AATF: variants seen among roughly 807,000 people sequenced by gnomAD.
AATF encodes the protein protein AATF.
AATF carries 48 observed loss-of-function variants against 63.7 expected under a neutral mutation model. That is an observed-to-expected ratio of 0.75 (90% CI 0.60 to 0.96). AATF has a LOEUF of 0.96. AATF is among the 40% of genes least tolerant of loss of function. The pLI is 0.00. For missense variants in AATF, 639 were observed against 685.7 expected (o/e 0.93, Z 0.76); for synonymous variants, 258 against 247.7 (o/e 1.04, Z -0.39).
intron 8 of AATF, among the ~76,000 whole-genome samples, chr17:37,017,870 AATTT>A (rs2142285251): frequency 6.6e-6 from 1 of 152,302 alleles, no homozygotes; most frequent in Admixed American, 6.5e-5. Flanking sequence ...CTTTCAGAGG[AATTT>A]ATTTCTCTTT....
At chr17:36,990,211 C>T (rs1221677861) in intron 7 of AATF, among the ~76,000 whole-genome samples, 1 of 152,042 alleles carries the variant, frequency 6.6e-6, no homozygotes, top group East Asian at 1.9e-4. Context: ...TCTAATAAGT[C>T]CTAGATACTC....
At chr17:36,955,487 C>T (rs2070892264) in intron 4 of AATF, among the ~76,000 whole-genome samples, 1 of 152,104 alleles carries the variant, frequency 6.6e-6, no homozygotes, top group Admixed American at 6.6e-5. Flanking sequence ...AAATAGATGA[C>T]AGATTGATGG....
At chr17:36,950,038 T>C (rs1334353139) in intron 1 of AATF, among the ~76,000 whole-genome samples, 176 bp from the exon 2 acceptor site, 1 of 152,230 alleles carries the variant, frequency 6.6e-6, no homozygotes, top group East Asian at 1.9e-4. Flanking sequence ...ACTTTCTGTT[T>C]AGAAACAGCA....
chr17:37,046,730 A>AACACACACACACACAC (rs58296683), intron 11 of AATF, among the ~76,000 whole-genome samples: 2 of 139,968 alleles, frequency 1.4e-5, no homozygotes, highest in African/African-American at 5.4e-5. Flanking sequence ...GTGCTCCCCC[A>AACACACACACACACAC]ACACACACAC....
intron 11 of AATF, among the ~76,000 whole-genome samples, chr17:37,037,183 A>T (rs1437589822): frequency 6.6e-6 from 1 of 151,610 alleles, no homozygotes; most frequent in Non-Finnish European, 1.5e-5. Flanking sequence ...CCCCTGGCTA[A>T]TTTTTGTATT....
intron 4 of AATF, among the ~76,000 whole-genome samples, chr17:36,973,131 T>C (rs1437413549): frequency 1.3e-5 from 2 of 152,004 alleles, no homozygotes; most frequent in Non-Finnish European, 1.5e-5. Flanking sequence ...TTCTTTCTTT[T>C]TTCCTTTCTT....
intron 4 of AATF, among the ~76,000 whole-genome samples, chr17:36,976,657 A>C (rs2071082125): frequency 6.6e-6 from 1 of 152,200 alleles, no homozygotes; most frequent in African/African-American, 2.4e-5. Context: ...AGTAGTTTAC[A>C]GTTTCTGCTC....
chr17:37,033,844 A>C lies in AATF; in HGVS notation c.1619+2159A>C, dbSNP rs528022177. On this transcript the variant is annotated intron_variant, in intron 11 of 11. Coordinates refer to ENST00000619387, the MANE Select transcript of AATF (RefSeq NM_012138.4). ...ATGCATTCAAGGCAGGAAGAAGAGGAAAGAACTGTGCCAGCCATACCTGTT... is the reference window on the plus strand; with the variant it reads ...ATGCATTCAAGGCAGGAAGAAGAGGCAAGAACTGTGCCAGCCATACCTGTT... The C allele has an allele frequency of 1.2e-4, 19 of 154,778 alleles. No homozygotes were observed. The South Asian group carries it at 3.3e-3, about 27-fold the overall frequency. The allele number at this position is 154,778 out of a possible 1,614,324, so 9.6% of individuals were successfully genotyped here.
In AATF at chr17:36,990,775, A is replaced by C; in HGVS notation, c.1316A>C (p.Glu439Ala). ...TTTTCTTACTCATTGTTAACATAGGAGATCCTTCCTCAAGCCCCTGCTAAT... is the reference window on the plus strand; with the variant it reads ...TTTTCTTACTCATTGTTAACATAGGCGATCCTTCCTCAAGCCCCTGCTAAT... Reference protein sequence around the residue: ...PVPESLPGEPEILPQAPANAH... With the variant: ...PVPESLPGEPAILPQAPANAH... Residue 439 changes from glutamate (E) to alanine (A), a missense_variant and splice_region_variant, in exon 8 of 12, where the codon GAG becomes GCG. Glu to Ala is a moderately radical substitution (Grantham distance 107). Coordinates refer to ENST00000619387, the MANE Select transcript of AATF (RefSeq NM_012138.4). The C allele has an allele frequency of 6.3e-7, 1 of 1,585,664 alleles. No homozygotes were observed. The highest frequency in any genetic ancestry group is 1.7e-4 in the Middle Eastern group (1 of 6,000).
At chr17:37,044,358 T>C (rs558827552) in intron 11 of AATF, among the ~76,000 whole-genome samples, 1 of 152,248 alleles carries the variant, frequency 6.6e-6, no homozygotes, top group South Asian at 2.1e-4. Flanking sequence ...CATGGCAATG[T>C]TGGAAAAGAC....
intron 4 of AATF, among the ~76,000 whole-genome samples, chr17:36,968,270 C>CTTTT (rs3049638): frequency 0.011 from 265 of 23,764 alleles, 6 homozygotes; most frequent in East Asian, 0.018. Context: ...TTCCTTCTTT[C>CTTTT]TTTTTTTTTT....
At chr17:37,009,823 CAAAAAAAAAAAAAAAA>C (rs1160362372) in intron 8 of AATF, among the ~76,000 whole-genome samples, 1 of 28,778 alleles carries the variant, frequency 3.5e-5, no homozygotes, top group Non-Finnish European at 7.3e-5. Context: ...GACTCCGTCT[CAAAAAAAAAAAAAAAA>C]AAAAAAAAAA....
chr17:36,954,239 C>T (rs2070881700), intron 4 of AATF, among the ~76,000 whole-genome samples: 1 of 151,850 alleles, frequency 6.6e-6, no homozygotes, highest in Non-Finnish European at 1.5e-5. Flanking sequence ...CGTGCACCAC[C>T]CTGCCTGTAG....
intron 11 of AATF, chr17:37,050,990 G>A (rs1038696476): frequency 1.6e-4 from 24 of 152,250 alleles, no homozygotes; most frequent in African/African-American, 5.8e-4. Flanking sequence ...GCTCAGGCTG[G>A]TCTCAAACTC....
intron 7 of AATF, 114 bp downstream of exon 7, chr17:36,989,525 G>A: frequency 9.1e-7 from 1 of 1,103,826 alleles, no homozygotes; most frequent in Admixed American, 2.8e-5. Context: ...AGAAAGGAAA[G>A]CAACACTACT....
At chr17:36,954,033 C>A in intron 4 of AATF, 126 bp downstream of exon 4, 3 of 956,348 alleles carry the variant, frequency 3.1e-6, no homozygotes, top group Non-Finnish European at 4.6e-6. Flanking sequence ...CCCTTGCTCT[C>A]CCCTCCCCAT....
At chr17:36,971,112 A>T (rs915180421) in intron 4 of AATF, among the ~76,000 whole-genome samples, 3 of 152,214 alleles carry the variant, frequency 2.0e-5, no homozygotes, top group Non-Finnish European at 4.4e-5. Context: ...GCTCTGTGAA[A>T]GATATGTTAA....
chr17:36,997,047 G>A (rs2071259905), intron 8 of AATF, among the ~76,000 whole-genome samples: 1 of 152,176 alleles, frequency 6.6e-6, no homozygotes, highest in Admixed American at 6.5e-5. Flanking sequence ...AGGCAAATAT[G>A]TGGCCAAAAT....
Position 36,949,148 on chromosome 17 carries a change from C to T in AATF, c.23C>T (p.Ala8Val). MAGPQPL[A>V]LQLEQLLNPR... ...ACGATGGCGGGGCCGCAGCCCCTGG[C>T]GCTGCAACTGGAACAGTTGTTGAAC... is the stretch of plus-strand genomic sequence containing the variant. The change falls in exon 1 of 12, where the codon GCG (alanine) becomes GTG (valine). Residue 8 changes from alanine to valine, a missense_variant. Ala to Val is a moderately conservative substitution (Grantham distance 64, BLOSUM62 0). Transcript: ENST00000619387. 6.3e-7 allele frequency: 1 copy of T among 1,585,172 alleles called. No homozygotes were observed. The highest frequency in any genetic ancestry group is 8.6e-7 in the Non-Finnish European group (1 of 1,167,434).
Sources: gnomAD v4.1 joint callset for allele counts (sites outside exome capture counted in the v4.1 genomes callset) on GRCh38, gnomAD v4.1.1 for gene constraint, MANE v1.5 for transcripts, NCBI Gene and HGNC (gene_info 2026-07-23, HGNC 2026-07-21) for gene names.